Variants in CHD6 observed in about 807,000 individuals in gnomAD.
CHD6 encodes ATP-dependent chromatin remodeler CHD6.
CHD6 carries 50 observed loss-of-function variants against 276.9 expected under a neutral mutation model. The observed-to-expected ratio is 0.18, with a 90% CI of 0.14 to 0.23. CHD6 has a LOEUF of 0.23. CHD6 is among the 10% of genes least tolerant of loss of function. The probability of loss-of-function intolerance (pLI) is 1.00; values close to 1 mark genes in which losing one functional copy is unlikely to be tolerated. For synonymous variants in CHD6, 1,173 were observed against 1,229.3 expected, an observed-to-expected ratio of 0.95 and a Z score of 0.96; for missense variants, 2,564 against 3,365.8, an observed-to-expected ratio of 0.76 and a Z score of 5.89.
At chr20:41,516,347 T>C (rs1433898767) in intron 3 of CHD6, among the ~76,000 whole-genome samples, 3 of 152,122 alleles carry the variant, frequency 2.0e-5, no homozygotes, top group Non-Finnish European at 4.4e-5. Flanking sequence ...TTGTTTTCAG[T>C]ATTTTTAGTA....
chr20:41,444,272 C>T (rs1426232467), intron 25 of CHD6, among the ~76,000 whole-genome samples: 2 of 152,148 alleles, frequency 1.3e-5, no homozygotes, highest in African/African-American at 4.8e-5. Context: ...CCTGCACTGT[C>T]CAACAGAGGA....
chr20:41,406,241 G>C (rs2046670972), intron 36 of CHD6, among the ~76,000 whole-genome samples: 1 of 152,220 alleles, frequency 6.6e-6, no homozygotes, highest in Non-Finnish European at 1.5e-5. Context: ...ATAAGTGGTG[G>C]TTCTCCCTAA....
intron 13 of CHD6, among the ~76,000 whole-genome samples, chr20:41,488,113 T>C (rs75404343): frequency 0.027 from 4,178 of 152,228 alleles, 182 homozygotes; most frequent in African/African-American, 0.095. Flanking sequence ...TAAAAGGGCA[T>C]CATCTTTGGT....
chr20:41,444,075 CTCAGGG>C (rs1173741259), intron 25 of CHD6, among the ~76,000 whole-genome samples: 1 of 152,164 alleles, frequency 6.6e-6, no homozygotes, highest in African/African-American at 2.4e-5. Context: ...TGAAATGAGA[CTCAGGG>C]TCACTAGGCC....
chr20:41,445,782 G>C lies in CHD6; in HGVS notation c.3774-14C>G, dbSNP rs765043741. The C allele has an allele frequency of 2.6e-6, 4 of 1,560,698 alleles. No individual in the cohort carries two copies. The highest frequency in any genetic ancestry group is 3.5e-6 in the Non-Finnish European group (4 of 1,131,528). On this transcript the variant is annotated splice_polypyrimidine_tract_variant and intron_variant, in intron 24 of 36. Coordinates refer to ENST00000373233, the MANE Select transcript of CHD6 (RefSeq NM_032221.5). Reference sequence around the variant, plus strand: ...ACATCCAGCTCCCTAGGGAAGGAAGGGTGTAGACTCAAAACAACACAAAAG... The same window carrying C: ...ACATCCAGCTCCCTAGGGAAGGAAGCGTGTAGACTCAAAACAACACAAAAG...
intron 17 of CHD6, among the ~76,000 whole-genome samples, chr20:41,462,977 C>T (rs2042837237): frequency 6.6e-6 from 1 of 152,142 alleles, no homozygotes; most frequent in African/African-American, 2.4e-5. Context: ...GTAGTTAGGG[C>T]TGTGGTAGAG....
chr20:41,447,805 CAA>C, intron 24 of CHD6, 75 bp downstream of exon 24: 1 of 1,038,020 alleles, frequency 9.6e-7, no homozygotes, highest in Non-Finnish European at 1.5e-6. Flanking sequence ...TAAGCACAGG[CAA>C]GTTTGGCCAG....
chr20:41,417,792 G>A (rs892325086), intron 31 of CHD6, among the ~76,000 whole-genome samples: 1 of 152,186 alleles, frequency 6.6e-6, no homozygotes, highest in Non-Finnish European at 1.5e-5. Context: ...TGAAAGTCAT[G>A]AAGCTTACAA....
At chr20:41,559,319 G>C (rs2045276399) in intron 1 of CHD6, among the ~76,000 whole-genome samples, 1 of 152,032 alleles carries the variant, frequency 6.6e-6, no homozygotes, top group South Asian at 2.1e-4. Flanking sequence ...CCTTTGTATA[G>C]CTCTCCTCCT....
chr20:41,417,260 C>T lies in CHD6; in HGVS notation c.6217G>A (p.Ala2073Thr). 1 of 1,614,130 alleles carries T rather than the reference C, an allele frequency of 6.2e-7. No homozygotes were observed. Among genetic ancestry groups the T allele is most frequent in the Non-Finnish European group, 8.5e-7 (1 of 1,180,000 alleles). Residue 2073 changes from alanine (A) to threonine (T), a missense_variant, in exon 32 of 37, where the codon GCT becomes ACT. By Grantham distance (58) the Ala-to-Thr change is moderately conservative (BLOSUM62 0). Transcript: ENST00000373233. ...TGTAGCAGCTGAGCAATAGTGGGAG[C>T]TCGAGCCTCCTGTAGCTCATCCCCA... ...DIGDELQEAR[A>T]PTIAQLLQEK...
intron 5 of CHD6, among the ~76,000 whole-genome samples, chr20:41,507,763 AT>A (rs1387495274): frequency 2.0e-5 from 3 of 152,130 alleles, no homozygotes; most frequent in Non-Finnish European, 4.4e-5. Flanking sequence ...TATGTCAGAG[AT>A]TTATATAATC....
At chr20:41,563,631 A>T (rs1299470817) in intron 1 of CHD6, among the ~76,000 whole-genome samples, 2 of 152,246 alleles carry the variant, frequency 1.3e-5, no homozygotes, top group Non-Finnish European at 2.9e-5. Context: ...GCTCATAAAA[A>T]TCAATTAGCT....
At chr20:41,518,006 C>T (rs904730795) in intron 3 of CHD6, among the ~76,000 whole-genome samples, 1 of 152,140 alleles carries the variant, frequency 6.6e-6, no homozygotes, top group African/African-American at 2.4e-5. Flanking sequence ...TCCAATGACC[C>T]AAATATATAA....
At position 41,551,368 on chromosome 20, in the gene CHD6, A is replaced by C. The variant is rs1412732854; in HGVS notation, c.-23-8T>G. ...GAAGGAAGATATTTATTTCTGTAAAACATTTTTAAAAAGGCAAAGATTATG... is the reference window on the plus strand; with the variant it reads ...GAAGGAAGATATTTATTTCTGTAAACCATTTTTAAAAAGGCAAAGATTATG... On this transcript the variant is annotated splice_polypyrimidine_tract_variant and splice_region_variant and intron_variant, in intron 1 of 36. Transcript: ENST00000373233. 1.6e-6 allele frequency: 2 copies of C among 1,290,100 alleles called. No individual in the cohort carries two copies. The highest frequency in any genetic ancestry group is 3.5e-5 in the Admixed American group (2 of 56,638). 79.9% of individuals were successfully genotyped at this position (1,290,100 alleles called of 1,614,324 possible). A position where few individuals can be genotyped will look rare whatever the true frequency, so the allele number is the denominator to read the frequency against.
intron 2 of CHD6, among the ~76,000 whole-genome samples, chr20:41,538,318 T>C (rs975739857): frequency 6.6e-6 from 1 of 151,824 alleles, no homozygotes; most frequent in Non-Finnish European, 1.5e-5. Flanking sequence ...GCCACTGTAC[T>C]CCAGCCTAGG....
intron 25 of CHD6, 23 bp from the exon 26 acceptor site, chr20:41,440,152 GC>G (rs766577546): frequency 6.2e-7 from 1 of 1,607,092 alleles, no homozygotes; most frequent in Admixed American, 1.7e-5. Context: ...GGTGAGAAAT[GC>G]CAGAAGTCAT....
chr20:41,533,991 T>A (rs1323542977), intron 2 of CHD6, among the ~76,000 whole-genome samples: 1 of 152,224 alleles, frequency 6.6e-6, no homozygotes, highest in East Asian at 1.9e-4. Context: ...ATCCCTAAAA[T>A]GGAAGTTGCA....
intron 25 of CHD6, 71 bp from the exon 26 acceptor site, chr20:41,440,200 T>C: frequency 7.1e-7 from 1 of 1,403,316 alleles, no homozygotes; most frequent in Non-Finnish European, 9.9e-7. Flanking sequence ...GCACTAGTCT[T>C]TTTGTTTTCC....
intron 5 of CHD6, among the ~76,000 whole-genome samples, chr20:41,507,468 A>G (rs2044004638): frequency 6.6e-6 from 1 of 152,176 alleles, no homozygotes; most frequent in African/African-American, 2.4e-5. Context: ...CCAAATATGG[A>G]AAACGGGTTT....
Sources: gnomAD v4.1 joint callset for allele counts (sites outside exome capture counted in the v4.1 genomes callset) on GRCh38, gnomAD v4.1.1 for gene constraint, MANE v1.5 for transcripts, NCBI Gene and HGNC (gene_info 2026-07-23, HGNC 2026-07-21) for gene names.